Variants in MINDY4 observed in about 807,000 individuals in gnomAD.
MINDY4 encodes MINDY lysine 48 deubiquitinase 4, also known as probable ubiquitin carboxyl-terminal hydrolase MINDY-4.
A neutral mutation model predicts 87.0 loss-of-function variants in MINDY4; 68 were observed. That is an observed-to-expected ratio of 0.78 (90% confidence interval 0.64 to 0.96). The LOEUF is 0.96. Ranked by LOEUF, MINDY4 falls within the 40% of genes least tolerant of loss-of-function variation. The pLI is 0.00. For missense variants in MINDY4, 919 were observed against 928.2 expected (o/e 0.99, Z 0.13); for synonymous variants, 379 against 363.2 (o/e 1.04, Z -0.50).
At chr7:30,855,153 C>T (rs1002140644) in intron 12 of MINDY4, among the ~76,000 whole-genome samples, 3 of 152,240 alleles carry the variant, frequency 2.0e-5, no homozygotes, top group Non-Finnish European at 4.4e-5. Context: ...TGGCTTATTC[C>T]TTAGTCATAT....
chr7:30,796,194 C>T (rs1787483959), intron 5 of MINDY4, among the ~76,000 whole-genome samples: 1 of 151,974 alleles, frequency 6.6e-6, no homozygotes, highest in African/African-American at 2.4e-5. Flanking sequence ...TGACCACTCT[C>T]AAAAGATTTT....
intron 3 of MINDY4, among the ~76,000 whole-genome samples, chr7:30,783,407 A>G (rs1013348030): frequency 1.3e-5 from 2 of 152,188 alleles, no homozygotes; most frequent in Non-Finnish European, 2.9e-5. Context: ...AATCCTTTTC[A>G]CTGTGTAGCT....
chr7:30,778,689 C>A, intron 2 of MINDY4, 138 bp downstream of exon 2: 1 of 1,026,908 alleles, frequency 9.7e-7, no homozygotes, highest in South Asian at 1.5e-5. Flanking sequence ...AGAAACGGAC[C>A]CCCCAAATGT....
At chr7:30,782,257 A>T (rs763756173) in intron 3 of MINDY4, 45 bp downstream of exon 3, 1 of 1,460,486 alleles carries the variant, frequency 6.8e-7, no homozygotes, top group African/African-American at 1.4e-5. Flanking sequence ...TATTGCTGCC[A>T]TAACAAATTA....
chr7:30,827,826 C>T (rs949387157), intron 5 of MINDY4, among the ~76,000 whole-genome samples: 9 of 152,118 alleles, frequency 5.9e-5, no homozygotes, highest in Non-Finnish European at 7.3e-5. Context: ...GGCAAGATTA[C>T]GATTGTTACT....
chr7:30,782,527 C>A (rs1787036912), intron 3 of MINDY4, among the ~76,000 whole-genome samples: 1 of 151,984 alleles, frequency 6.6e-6, no homozygotes, highest in Admixed American at 6.5e-5. Flanking sequence ...CATAGAGAGA[C>A]CCTGTCTCTA....
In MINDY4 at chr7:30,842,384, G is replaced by A. The variant is rs567427634; in HGVS notation, c.1445+1536G>A. ...GAGACCCTGCCATCAGCTCTCCCTG[G>A]TGGGCTCAACACAGTCCTGTATGCT... On this transcript the variant is annotated intron_variant, in intron 9 of 17. Transcript: ENST00000265299. Among the ~76,000 whole-genome samples, 76 of 152,310 alleles carry A rather than the reference G, an allele frequency of 5.0e-4. 2 individuals carry two copies. In the South Asian group the frequency reaches 0.015, roughly 31 times the overall value.
intron 1 of MINDY4, among the ~76,000 whole-genome samples, chr7:30,774,623 A>G (rs1256629305): frequency 6.6e-6 from 1 of 151,030 alleles, no homozygotes; most frequent in Non-Finnish European, 1.5e-5. Flanking sequence ...ATTCCATGGA[A>G]ATAGCTCTTC....
At chr7:30,867,293 T>C (rs902366524) in intron 13 of MINDY4, among the ~76,000 whole-genome samples, 1 of 152,230 alleles carries the variant, frequency 6.6e-6, no homozygotes, top group Non-Finnish European at 1.5e-5. Flanking sequence ...CTCGGTTTAA[T>C]CTGGGTTCTT....
chr7:30,792,785 A>G (rs1380335401), intron 5 of MINDY4, among the ~76,000 whole-genome samples: 1 of 152,002 alleles, frequency 6.6e-6, no homozygotes, highest in African/African-American at 2.4e-5. Context: ...CATTTGTGTA[A>G]TATACTCAAA....
intron 5 of MINDY4, among the ~76,000 whole-genome samples, chr7:30,797,632 T>G (rs140397627): frequency 6.6e-6 from 1 of 152,320 alleles, no homozygotes; most frequent in East Asian, 1.9e-4. Flanking sequence ...AGCTGCTGAA[T>G]GCATTGGCTT....
chr7:30,785,500 G>A (rs571163674), intron 3 of MINDY4, among the ~76,000 whole-genome samples: 1 of 152,284 alleles, frequency 6.6e-6, no homozygotes, highest in East Asian at 1.9e-4. Flanking sequence ...GACTTGAGGG[G>A]TCCTGTTATG....
At chr7:30,881,644 G>A (rs1187945825) in intron 15 of MINDY4, among the ~76,000 whole-genome samples, 1 of 152,220 alleles carries the variant, frequency 6.6e-6, no homozygotes, top group African/African-American at 2.4e-5. Context: ...TGCTGCGGCT[G>A]AGGTGGGTGG....
chr7:30,855,878 T>C (rs1187462485), intron 12 of MINDY4, among the ~76,000 whole-genome samples: 1 of 152,212 alleles, frequency 6.6e-6, no homozygotes, highest in African/African-American at 2.4e-5. Flanking sequence ...CCCCCTGCAG[T>C]TTAATTCATG....
At position 30,872,449 on chromosome 7, in the gene MINDY4, C is replaced by A. The variant is rs73301959; in HGVS notation, c.1809+143C>A. 2,340 of 711,856 alleles carry A rather than the reference C, an allele frequency of 3.3e-3. 41 individuals carry two copies. The African/African-American group carries it at 0.037, about 11-fold the overall frequency. The allele number at this position is 711,856 out of a possible 1,614,324, so 44.1% of individuals were successfully genotyped here. ...ACACTCTTCAAGCAGCTTTCACGTG[C>A]CCACCTCTGCTGGGTTTCACTGTCA... On this transcript the variant is annotated intron_variant, in intron 14 of 17. Coordinates refer to ENST00000265299, the MANE Select transcript of MINDY4 (RefSeq NM_032222.3).
rs1400753340 is a variant in MINDY4 at position 30,771,445 on chromosome 7, G to C, written c.-49G>C. On this transcript the variant is annotated 5_prime_UTR_variant, in exon 1 of 18. Coordinates refer to ENST00000265299, the MANE Select transcript of MINDY4 (RefSeq NM_032222.3). ...CTGCGCCGGACAGACCCAGTTGCCT[G>C]GTGCTGCGGCCCGGCGTGGGCCTCG... The C allele has an allele frequency of 1.3e-6, 2 of 1,574,112 alleles. No individual in the cohort carries two copies. The highest frequency in any genetic ancestry group is 1.9e-5 in the Admixed American group (1 of 53,088).
chr7:30,875,424 C>T, intron 14 of MINDY4, 71 bp from the exon 15 acceptor site: 1 of 1,548,956 alleles, frequency 6.5e-7, no homozygotes, highest in Non-Finnish European at 8.9e-7. Context: ...TTGTCTTTCC[C>T]CAGTCTCCTC....
At chr7:30,880,017 A>T (rs558029808) in intron 15 of MINDY4, among the ~76,000 whole-genome samples, 3 of 152,302 alleles carry the variant, frequency 2.0e-5, no homozygotes, top group Non-Finnish European at 2.9e-5. Flanking sequence ...TATTTAATTA[A>T]TGTGTCATCC....
At chr7:30,854,004 A>T (rs760220191) in intron 12 of MINDY4, among the ~76,000 whole-genome samples, 12 of 152,178 alleles carry the variant, frequency 7.9e-5, no homozygotes, top group Non-Finnish European at 1.5e-4. Flanking sequence ...GGAGAGCTGT[A>T]CATCCACTCC....
Sources: gnomAD v4.1 joint callset for allele counts (sites outside exome capture counted in the v4.1 genomes callset) on GRCh38, gnomAD v4.1.1 for gene constraint, MANE v1.5 for transcripts, NCBI Gene and HGNC (gene_info 2026-07-23, HGNC 2026-07-21) for gene names.